The following ANKRD30B variants were observed in gnomAD, a reference collection of about 807,000 sequenced individuals.
ANKRD30B encodes ankyrin repeat domain 30B.
Under a neutral mutation model 202.2 loss-of-function variants are expected in ANKRD30B, and 144 were observed. The observed-to-expected ratio is 0.71, with a 90% CI of 0.62 to 0.82. The LOEUF (loss-of-function observed/expected upper bound fraction) is 0.82. Among genes scored for constraint, ANKRD30B ranks in the 40% least tolerant of loss-of-function variants. ANKRD30B has a pLI of 0.00. For missense variants in ANKRD30B, 1,487 were observed against 1,669.1 expected (o/e 0.89, Z 1.90); for synonymous variants, 508 against 561.3 (o/e 0.91, Z 1.34).
chr18:14,931,169 G>A, the ANKRD30B span, among the ~76,000 whole-genome samples: 1 of 152,180 alleles, frequency 6.6e-6, no homozygotes, highest in Non-Finnish European at 1.5e-5. Flanking sequence ...GGGATGCTAC[G>A]AAGAGTGTGC....
the ANKRD30B span, among the ~76,000 whole-genome samples, chr18:14,901,427 ACAT>A: frequency 6.6e-6 from 1 of 152,204 alleles, no homozygotes; most frequent in Non-Finnish European, 1.5e-5. Flanking sequence ...TACTAACCCA[ACAT>A]CAAGTAGAAC....
intron 26 of ANKRD30B, 46 bp downstream of exon 26, chr18:14,808,790 A>T (rs1459835236): frequency 7.1e-7 from 1 of 1,409,632 alleles, no homozygotes; most frequent in African/African-American, 1.5e-5. Context: ...AGAATATTAA[A>T]CTATTTGAAA....
At chr18:14,915,396 T>C in the ANKRD30B span, 3 of 152,208 alleles carry the variant, frequency 2.0e-5, no homozygotes, top group African/African-American at 7.2e-5. Context: ...AATAGGCATA[T>C]TCTGTTTGAT....
chr18:14,867,031 G>A, the ANKRD30B span, among the ~76,000 whole-genome samples: 1 of 145,472 alleles, frequency 6.9e-6, no homozygotes, highest in Non-Finnish European at 1.5e-5. Context: ...GGGGAAAGGG[G>A]AAGGTGGGGT....
chr18:14,765,755 T>C (rs963737455), intron 7 of ANKRD30B, among the ~76,000 whole-genome samples: 1 of 152,184 alleles, frequency 6.6e-6, no homozygotes, highest in Non-Finnish European at 1.5e-5. Context: ...GTCTTTTTTT[T>C]TGTCACCAAT....
Position 14,787,085 on chromosome 18 carries a change from T to C in ANKRD30B, c.1719T>C (p.Asn573=). The change falls in exon 15 of 44, where the codon AAT becomes AAC. Residue 573 remains asparagine, a synonymous_variant. Coordinates refer to ENST00000690538, the MANE Select transcript of ANKRD30B (RefSeq NM_001367607.2). ...CCAAACAAAAGGACGATGAAGAAAATTCTTGGGATTCTGAGGTACTATGTG... is the reference window on the plus strand; with the variant it reads ...CCAAACAAAAGGACGATGAAGAAAACTCTTGGGATTCTGAGGTACTATGTG... ...SESKQKDDEE[N]SWDSESPCET... 6.2e-7 allele frequency: 1 copy of C among 1,609,290 alleles called. No homozygotes were observed. The highest frequency in any genetic ancestry group is 8.5e-7 in the Non-Finnish European group (1 of 1,177,086).
At chr18:14,899,061 A>G in the ANKRD30B span, among the ~76,000 whole-genome samples, 10 of 152,126 alleles carry the variant, frequency 6.6e-5, no homozygotes, top group South Asian at 2.1e-4. Flanking sequence ...TCATCTCACC[A>G]TCTCCTTAAA....
At chr18:14,820,239 T>C (rs986127865) in intron 30 of ANKRD30B, among the ~76,000 whole-genome samples, 2 of 152,218 alleles carry the variant, frequency 1.3e-5, no homozygotes, top group Admixed American at 1.3e-4. Flanking sequence ...CTGAATTTGC[T>C]TATCAGCTTA....
chr18:14,823,960 A>C (rs1598681029), intron 32 of ANKRD30B, among the ~76,000 whole-genome samples: 1 of 151,974 alleles, frequency 6.6e-6, no homozygotes, highest in African/African-American at 2.4e-5. Context: ...ACAGAGTGAG[A>C]CTCCCATCTC....
At chr18:14,938,699 G>A in the ANKRD30B span, among the ~76,000 whole-genome samples, 1 of 152,160 alleles carries the variant, frequency 6.6e-6, no homozygotes, top group Admixed American at 6.5e-5. Context: ...TTGAACATGG[G>A]GAGTCGGGCT....
the ANKRD30B span, among the ~76,000 whole-genome samples, chr18:14,923,287 G>A: frequency 4.8e-4 from 73 of 152,290 alleles, 1 homozygote; most frequent in South Asian, 0.014. Context: ...TGCCCTGAAG[G>A]GTGAGTCCTA....
At chr18:14,855,013 G>A (rs995670444), downstream of ANKRD30B, among the ~76,000 whole-genome samples, 5 of 152,120 alleles carry the variant, frequency 3.3e-5, no homozygotes, top group African/African-American at 1.2e-4. Context: ...ATAAACACGT[G>A]AACAAAGGTC....
intron 7 of ANKRD30B, among the ~76,000 whole-genome samples, chr18:14,764,294 A>G (rs1442884031): frequency 6.6e-6 from 1 of 152,236 alleles, no homozygotes; most frequent in African/African-American, 2.4e-5. Flanking sequence ...TGTAAATACT[A>G]GATGAACTAA....
At chr18:14,795,151 A>C (rs965918460) in intron 16 of ANKRD30B, among the ~76,000 whole-genome samples, 2 of 152,242 alleles carry the variant, frequency 1.3e-5, no homozygotes, top group African/African-American at 4.8e-5. Flanking sequence ...ATGATATGTA[A>C]AAAGTCTCTG....
rs1386962535 is a variant in ANKRD30B at position 14,851,456 on chromosome 18, A to G, written c.3565-53A>G. On this transcript the variant is annotated intron_variant, in intron 41 of 43. Coordinates refer to ENST00000690538, the MANE Select transcript of ANKRD30B (RefSeq NM_001367607.2). ...GTTGTTCTTTAATTTCAGAGGAACT[A>G]TGATATGCCATTTTATTGAGTGCTA... 6.2e-6 allele frequency: 9 copies of G among 1,450,994 alleles called. No individual in the cohort carries two copies. In the Admixed American group the frequency reaches 1.4e-4, roughly 23 times the overall value. The allele number at this position is 1,450,994 out of a possible 1,614,324, so 89.9% of individuals were successfully genotyped here.
intron 24 of ANKRD30B, among the ~76,000 whole-genome samples, chr18:14,807,562 C>T (rs1310385946): frequency 6.8e-6 from 1 of 148,128 alleles, no homozygotes; most frequent in Non-Finnish European, 1.5e-5. Flanking sequence ...GACAGAGTCT[C>T]GCTCTGTCAT....
At chr18:14,931,139 G>A in the ANKRD30B span, among the ~76,000 whole-genome samples, 2 of 152,190 alleles carry the variant, frequency 1.3e-5, no homozygotes, top group Admixed American at 1.3e-4. Context: ...GACCTGCCAG[G>A]CTACTGTCTT....
chr18:14,865,581 TCAC>T, the ANKRD30B span, among the ~76,000 whole-genome samples: 2 of 150,682 alleles, frequency 1.3e-5, no homozygotes, highest in Non-Finnish European at 3.0e-5. Context: ...TCCCTCCTGT[TCAC>T]CACCCTGTTT....
At position 14,795,035 on chromosome 18, in the gene ANKRD30B, C is replaced by G. The variant is rs915558216; in HGVS notation, c.1826-1186C>G. On this transcript the variant is annotated intron_variant, in intron 16 of 43. Coordinates refer to ENST00000690538, the MANE Select transcript of ANKRD30B (RefSeq NM_001367607.2). ...TGGCTTAACAACTCACATGGTATAACAAATAGAATTAGTTTTAGCAACAAA... is the reference window on the plus strand; with the variant it reads ...TGGCTTAACAACTCACATGGTATAAGAAATAGAATTAGTTTTAGCAACAAA... Among the ~76,000 whole-genome samples, 3 of 152,248 alleles carry G rather than the reference C, an allele frequency of 2.0e-5. No homozygotes were observed. The East Asian group carries it at 5.8e-4, about 29-fold the overall frequency.
Sources: allele counts gnomAD v4.1 joint callset (sites outside exome capture counted in the v4.1 genomes callset), GRCh38; gene constraint gnomAD v4.1.1; transcripts MANE v1.5; gene names NCBI Gene and HGNC (gene_info 2026-07-23, HGNC 2026-07-21).